RBMS3: variants seen among roughly 807,000 people sequenced by gnomAD.
RBMS3 encodes the protein RNA binding motif single stranded interacting protein 3.
In RBMS3, 27 loss-of-function variants were observed where a neutral mutation model predicts 66.8. The ratio of observed to expected loss-of-function variants is 0.40; its 90% CI spans 0.30 to 0.56. The LOEUF is 0.56. Among genes scored for constraint, RBMS3 ranks in the 20% least tolerant of loss-of-function variants. The probability of loss-of-function intolerance (pLI) is 0.40; values close to 1 mark genes in which losing one functional copy is unlikely to be tolerated. For synonymous variants in RBMS3, 188 were observed against 183.0 expected, an observed-to-expected ratio of 1.03 and a Z score of -0.22; for missense variants, 513 against 549.5, an observed-to-expected ratio of 0.93 and a Z score of 0.66.
chr3:29,896,118 A>G (rs1475454996), intron 8 of RBMS3, among the ~76,000 whole-genome samples: 1 of 151,402 alleles, frequency 6.6e-6, no homozygotes, highest in African/African-American at 2.4e-5. Flanking sequence ...GTTAAAGTAC[A>G]TTTAAGACTA....
chr3:29,651,490 G>A (rs1189994007), intron 4 of RBMS3, among the ~76,000 whole-genome samples: 3 of 151,984 alleles, frequency 2.0e-5, no homozygotes, highest in African/African-American at 7.3e-5. Flanking sequence ...GTCACTTGTG[G>A]TTTGTACATG....
intron 1 of RBMS3, among the ~76,000 whole-genome samples, chr3:29,288,106 T>A (rs374305431): frequency 2.0e-5 from 3 of 152,090 alleles, no homozygotes; most frequent in African/African-American, 7.2e-5. Context: ...AGATAATAGA[T>A]CCTATCATTT....
chr3:29,325,614 G>A (rs958508277), intron 1 of RBMS3, among the ~76,000 whole-genome samples: 1 of 141,816 alleles, frequency 7.1e-6, no homozygotes, highest in Non-Finnish European at 1.5e-5. Flanking sequence ...GTATATATAT[G>A]TGTGTATATA....
rs1046973171 is a variant in RBMS3, at chr3:29,936,887, A to G, written c.1050+691A>G. On this transcript the variant is annotated intron_variant, in intron 11 of 14. Coordinates refer to ENST00000383767, the MANE Select transcript of RBMS3 (RefSeq NM_001003793.3). ...TGATTTTTTTAAAAGATAATTCCCC[A>G]AATGTTCAAGGAGGCAAAAGCCTAA... 3.9e-5 allele frequency among the ~76,000 whole-genome samples: 6 copies of G among 152,196 alleles called. No homozygotes were observed. The East Asian group carries it at 1.2e-3, about 30-fold the overall frequency.
chr3:29,801,035 G>A (rs550441546), intron 6 of RBMS3, among the ~76,000 whole-genome samples: 2 of 151,176 alleles, frequency 1.3e-5, no homozygotes, highest in East Asian at 2.0e-4. Context: ...ACCTGTAAAC[G>A]GAATGAATAA....
chr3:29,678,061 G>A (rs1482321555), intron 4 of RBMS3, among the ~76,000 whole-genome samples: 1 of 152,084 alleles, frequency 6.6e-6, no homozygotes, highest in Admixed American at 6.6e-5. Context: ...GAACTATGGG[G>A]CTAAAGAAAG....
rs2060880337 is a variant in RBMS3 at position 29,924,566 on chromosome 3, G to A, written c.940-11520G>A. Among the ~76,000 whole-genome samples, 3 of 148,790 alleles carry A rather than the reference G, an allele frequency of 2.0e-5. No individual in the cohort carries two copies. The Admixed American group carries it at 2.0e-4, about 10-fold the overall frequency. ...TTAAAGAAAGAGCAGTGCCAGGCAT[G>A]GTGGCTCACGCCTGTAATCCCAGCA... On this transcript the variant is annotated intron_variant, in intron 10 of 14. Coordinates refer to ENST00000383767, the MANE Select transcript of RBMS3 (RefSeq NM_001003793.3).
At chr3:29,384,435 T>TAATAAGAAGAAGAAGAAGAAGAAG (rs776357215) in intron 1 of RBMS3, among the ~76,000 whole-genome samples, 152 of 141,100 alleles carry the variant, frequency 1.1e-3, no homozygotes, top group South Asian at 5.3e-3. Context: ...ATAATAATAA[T>TAATAAGAAGAAGAAGAAGAAGAAG]AAGAAGAAGA....
At chr3:29,913,174 GATAGA>G (rs1172622099) in intron 10 of RBMS3, among the ~76,000 whole-genome samples, 2 of 151,994 alleles carry the variant, frequency 1.3e-5, no homozygotes, top group Admixed American at 6.6e-5. Context: ...AAACGGAACT[GATAGA>G]ATAGAACTAT....
At chr3:29,628,360 G>T (rs185964194) in intron 4 of RBMS3, among the ~76,000 whole-genome samples, 38 of 152,254 alleles carry the variant, frequency 2.5e-4, no homozygotes, top group Non-Finnish European at 4.6e-4. Context: ...TATAAAACTG[G>T]CTGTGTCAGT....
At chr3:30,000,479 G>A (rs970794193) in intron 14 of RBMS3, among the ~76,000 whole-genome samples, 1 of 152,102 alleles carries the variant, frequency 6.6e-6, no homozygotes, top group Non-Finnish European at 1.5e-5. Flanking sequence ...AAGACAGTGT[G>A]GTGATTCCTC....
chr3:29,500,244 T>A (rs557740661), intron 3 of RBMS3, among the ~76,000 whole-genome samples: 1 of 151,556 alleles, frequency 6.6e-6, no homozygotes, highest in Non-Finnish European at 1.5e-5. Flanking sequence ...TATAAGGAAA[T>A]TATTGGTAAT....
chr3:29,482,386 A>G (rs547748064), intron 2 of RBMS3, among the ~76,000 whole-genome samples: 4 of 152,272 alleles, frequency 2.6e-5, no homozygotes, highest in Admixed American at 6.5e-5. Context: ...CCAGATTTAC[A>G]TCTATTTCTA....
intron 1 of RBMS3, among the ~76,000 whole-genome samples, chr3:29,320,039 G>T (rs1486118379): frequency 6.6e-6 from 1 of 151,946 alleles, no homozygotes; most frequent in Non-Finnish European, 1.5e-5. Flanking sequence ...AGCTCTCAGG[G>T]ATTTAGTCTC....
intron 2 of RBMS3, among the ~76,000 whole-genome samples, chr3:29,475,195 T>G (rs1044979261): frequency 1.3e-5 from 2 of 152,126 alleles, no homozygotes; most frequent in Non-Finnish European, 2.9e-5. Flanking sequence ...GAATAATTAG[T>G]CAAGTACAAT....
intron 4 of RBMS3, among the ~76,000 whole-genome samples, chr3:29,645,758 A>T (rs1050534598): frequency 2.0e-5 from 3 of 152,184 alleles, no homozygotes; most frequent in African/African-American, 7.2e-5. Context: ...CCAAGAGGAC[A>T]TTTGATGTTT....
intron 2 of RBMS3, among the ~76,000 whole-genome samples, chr3:29,479,857 T>G (rs945912595): frequency 6.6e-6 from 1 of 152,172 alleles, no homozygotes; most frequent in Non-Finnish European, 1.5e-5. Flanking sequence ...AATGCTGAGA[T>G]TATATTTGTT....
intron 6 of RBMS3, among the ~76,000 whole-genome samples, chr3:29,791,607 AT>A (rs1220878916): frequency 6.6e-6 from 1 of 152,166 alleles, no homozygotes; most frequent in East Asian, 1.9e-4. Context: ...GGAGGAGAGG[AT>A]TTTTTTACCT....
intron 2 of RBMS3, among the ~76,000 whole-genome samples, chr3:29,466,406 A>G (rs2042543636): frequency 1.3e-5 from 2 of 152,190 alleles, no homozygotes; most frequent in South Asian, 4.1e-4. Context: ...TTTTGAATTC[A>G]TGGACCTAGT....
Sources: allele counts gnomAD v4.1 joint callset (sites outside exome capture counted in the v4.1 genomes callset), GRCh38; gene constraint gnomAD v4.1.1; transcripts MANE v1.5; gene names NCBI Gene and HGNC (gene_info 2026-07-23, HGNC 2026-07-21).